The following ANKRD1 variants were observed in gnomAD, a reference collection of about 807,000 sequenced individuals.
ANKRD1 encodes ankyrin repeat domain 1, also known as ankyrin repeat domain-containing protein 1.
In ANKRD1, 32 loss-of-function variants were observed where a neutral mutation model predicts 40.1. That is an observed-to-expected ratio of 0.80 (90% CI 0.60 to 1.07). The LOEUF is 1.07. ANKRD1 is among the 50% of genes least tolerant of loss of function. ANKRD1 has a pLI of 0.00. For missense variants in ANKRD1, 359 were observed against 386.0 expected (o/e 0.93, Z 0.59); for synonymous variants, 149 against 141.2 (o/e 1.06, Z -0.39).
rs1379198018 is a variant in ANKRD1 at position 90,918,955 on chromosome 10, C to A, written c.363G>T (p.Val121=). ...CCAGAGCAGCCTTCAGAAACGTAGG[C>A]ACATCCACAGGTTCCGTCTAAAGCC... ...EPEIITEPVD[V]PTFLKAALEN... Residue 121 remains valine (V), a synonymous_variant, in exon 4 of 9, where the codon GTG becomes GTT. Coordinates refer to ENST00000371697, the MANE Select transcript of ANKRD1 (RefSeq NM_014391.3). 1.9e-6 allele frequency: 3 copies of A among 1,604,086 alleles called. No homozygotes were observed. The highest frequency in any genetic ancestry group is 3.4e-5 in the Admixed American group (2 of 59,468).
rs764279574 is a variant in ANKRD1 at position 90,912,893 on chromosome 10, G to T, written c.933C>A (p.Tyr311Ter). 3.7e-6 allele frequency: 6 copies of T among 1,614,056 alleles called. No individual in the cohort carries two copies. The South Asian group carries it at 5.5e-5, about 15-fold the overall frequency. ...AGAATGTAGCTATGCGAGAGGTCTT[G>T]TAGGAGTTCTCTCTGAGGCTGTCGA... is the stretch of plus-strand genomic sequence containing the variant. ...AIFDSLRENS[Y>*]KTSRIATF Residue 311 changes from tyrosine to a stop codon, truncating the protein, a stop_gained, in exon 9 of 9, where the codon TAC (tyrosine) becomes TAA (stop). Transcript: ENST00000371697. LOFTEE classifies it high-confidence loss of function.
intron 5 of ANKRD1, among the ~76,000 whole-genome samples, chr10:90,917,467 G>A (rs1236578647): frequency 6.6e-6 from 1 of 152,168 alleles, no homozygotes; most frequent in African/African-American, 2.4e-5. Flanking sequence ...TGACTAACTC[G>A]CTGATGAGGA....
At chr10:90,918,551 A>T (rs1013782554) in intron 4 of ANKRD1, among the ~76,000 whole-genome samples, 6 of 152,034 alleles carry the variant, frequency 3.9e-5, no homozygotes, top group Non-Finnish European at 8.8e-5. Context: ...TGATGCTAAT[A>T]ATATATCTCT....
intron 1 of ANKRD1, 138 bp from the exon 2 acceptor site, chr10:90,920,486 G>A: frequency 1.1e-6 from 1 of 873,744 alleles, no homozygotes; most frequent in Non-Finnish European, 1.9e-6. Flanking sequence ...CAGATCTCAA[G>A]CTGCGATGCA....
intron 8 of ANKRD1, among the ~76,000 whole-genome samples, chr10:90,915,009 A>C (rs1265830622): frequency 6.6e-6 from 1 of 152,346 alleles, no homozygotes; most frequent in Admixed American, 6.5e-5. Flanking sequence ...TATCTGAAAA[A>C]AAATACAGGC....
At chr10:90,915,517 C>T (rs766492614) in intron 8 of ANKRD1, 26 bp downstream of exon 8, 8 of 1,596,212 alleles carry the variant, frequency 5.0e-6, no homozygotes, top group South Asian at 3.3e-5. Flanking sequence ...AGCTTGCAAG[C>T]GGTGTTTCTT....
In ANKRD1 at chr10:90,918,983, AATAAATAAATAT is replaced by A. The variant is rs757647465; in HGVS notation, c.346-23_346-12del. 5.4e-4 allele frequency: 756 copies of A among 1,407,580 alleles called. 32 individuals are homozygous for A. The East Asian group carries it at 0.015, about 28-fold the overall frequency. 87.2% of individuals were successfully genotyped at this position (1,407,580 alleles called of 1,614,324 possible). On this transcript the variant is annotated splice_polypyrimidine_tract_variant and intron_variant, in intron 3 of 8. Transcript: ENST00000371697. ...ATCCACAGGTTCCGTCTAAAGCCAA[AATAAATAAATAT>A]ATATATATATATATATATATAGCAT...
In ANKRD1 at chr10:90,912,291, TAAA is replaced by T. The variant is rs71025330; in HGVS notation, c.*572_*574del. On this transcript the variant is annotated 3_prime_UTR_variant, in exon 9 of 9. Coordinates refer to ENST00000371697, the MANE Select transcript of ANKRD1 (RefSeq NM_014391.3). ...TCACTTGGGTACTCTGTGTACTCGGTAAAAAAAAAAAAAAAAAAAAAAAAAAAA... is the reference window on the plus strand; with the variant it reads ...TCACTTGGGTACTCTGTGTACTCGGTAAAAAAAAAAAAAAAAAAAAAAAAA... 0.012 allele frequency: 814 copies of T among 70,594 alleles called. 11 individuals carry two copies. The highest frequency in any genetic ancestry group is 0.034 in the African/African-American group (739 of 21,554). The allele number at this position is 70,594 out of a possible 1,614,324, so 4.4% of individuals were successfully genotyped here.
At chr10:90,917,324 G>T (rs1306318677) in intron 5 of ANKRD1, among the ~76,000 whole-genome samples, 3 of 152,136 alleles carry the variant, frequency 2.0e-5, no homozygotes, top group Non-Finnish European at 2.9e-5. Flanking sequence ...AATCTCATTG[G>T]TAGCAATTGG....
intron 4 of ANKRD1, 38 bp from the exon 5 acceptor site, chr10:90,917,868 A>G: frequency 1.3e-6 from 2 of 1,548,938 alleles, no homozygotes; most frequent in Non-Finnish European, 8.9e-7. Flanking sequence ...ATAGCAATAA[A>G]TATAAAAATG....
At chr10:90,919,330 G>T in intron 2 of ANKRD1, 62 bp from the exon 3 acceptor site, 1 of 1,456,644 alleles carries the variant, frequency 6.9e-7, no homozygotes, top group Non-Finnish European at 9.4e-7. Context: ...TTCTGGTTGT[G>T]TCTAAACTAA....
chr10:90,917,277 C>T (rs1472117177), intron 5 of ANKRD1, among the ~76,000 whole-genome samples: 1 of 152,188 alleles, frequency 6.6e-6, no homozygotes, highest in Non-Finnish European at 1.5e-5. Flanking sequence ...AGCTACTTTC[C>T]ATAGATGCAA....
rs1164337126 is a variant in ANKRD1, at chr10:90,914,728, C to A, written c.849+815G>T. Among the ~76,000 whole-genome samples the A allele has an allele frequency of 7.3e-5, 9 of 124,000 alleles. 1 individual carries two copies. The highest frequency in any genetic ancestry group is 2.8e-4 in the African/African-American group (8 of 28,236). The allele number at this position is 124,000 out of a possible 152,430, so 81.3% of individuals were successfully genotyped here. A position where few individuals can be genotyped will look rare whatever the true frequency, so the allele number is the denominator to read the frequency against. On this transcript the variant is annotated intron_variant, in intron 8 of 8. Transcript: ENST00000371697. ...TGATGACTGAGTTTCCCTCCCCCCC[C>A]CCCCACTCTTTTTTGTAAAGTGATT...
At chr10:90,913,103 G>A in intron 8 of ANKRD1, 127 bp from the exon 9 acceptor site, 1 of 877,274 alleles carries the variant, frequency 1.1e-6, no homozygotes, top group South Asian at 1.4e-5. Context: ...GTTTCCACCA[G>A]GAGTGATCTG....
At chr10:90,914,410 A>G (rs1344875093) in intron 8 of ANKRD1, among the ~76,000 whole-genome samples, 2 of 151,976 alleles carry the variant, frequency 1.3e-5, no homozygotes, top group East Asian at 1.9e-4. Flanking sequence ...CCTGTATGCT[A>G]TTTGTCTCTG....
intron 6 of ANKRD1, 127 bp downstream of exon 6, chr10:90,916,044 G>C (rs1173992578): frequency 3.0e-6 from 2 of 670,340 alleles, no homozygotes; most frequent in South Asian, 1.6e-5. Context: ...ATGGAGGGGT[G>C]GGGGAGGAGG....
chr10:90,917,987 G>C lies in ANKRD1; in HGVS notation c.454-157C>G, dbSNP rs115179303. On this transcript the variant is annotated intron_variant, in intron 4 of 8. Transcript: ENST00000371697. Reference sequence around the variant, plus strand: ...AATGTCAAAGTTAACTAAAATTGCAGAATCAGAACAATTATCCTGCAACTA... The same window carrying C: ...AATGTCAAAGTTAACTAAAATTGCACAATCAGAACAATTATCCTGCAACTA... 0.012 allele frequency among the ~76,000 whole-genome samples: 1,823 copies of C among 152,308 alleles called. 43 individuals are homozygous for C. The highest frequency in any genetic ancestry group is 0.042 in the African/African-American group (1,735 of 41,568).
intron 8 of ANKRD1, among the ~76,000 whole-genome samples, chr10:90,913,201 C>G (rs569974704): frequency 7.0e-4 from 106 of 152,308 alleles, no homozygotes; most frequent in African/African-American, 2.5e-3. Context: ...GTGGGACCAT[C>G]CCAGGTATTG....
chr10:90,913,799 A>C (rs1847341703), intron 8 of ANKRD1, among the ~76,000 whole-genome samples: 1 of 152,168 alleles, frequency 6.6e-6, no homozygotes, highest in Non-Finnish European at 1.5e-5. Flanking sequence ...ATTTTTTTTA[A>C]GATTAGTATG....
Sources: gnomAD v4.1 joint callset for allele counts (sites outside exome capture counted in the v4.1 genomes callset) on GRCh38, gnomAD v4.1.1 for gene constraint, MANE v1.5 for transcripts, NCBI Gene and HGNC (gene_info 2026-07-23, HGNC 2026-07-21) for gene names.